ACMSD: variants seen among roughly 807,000 people sequenced by gnomAD.
ACMSD encodes 2-amino-3-carboxymuconate-6-semialdehyde decarboxylase.
ACMSD carries 37 observed loss-of-function variants against 45.9 expected under a neutral mutation model. The ratio of observed to expected loss-of-function variants is 0.81; its 90% CI spans 0.62 to 1.06. ACMSD has a LOEUF of 1.06. Ranked by LOEUF, ACMSD falls within the 50% of genes least tolerant of loss-of-function variation. The pLI is 0.00. For missense variants in ACMSD, 434 were observed against 420.9 expected (o/e 1.03, Z -0.27); for synonymous variants, 138 against 148.8 (o/e 0.93, Z 0.53).
chr2:134,844,974 T>C lies in ACMSD; in HGVS notation c.58-259T>C, dbSNP rs116161313. ...ATATTTTTTCATGTTAATCTTTATT[T>C]TAAAAATTCAAGCTGCATTAGGGGA... On this transcript the variant is annotated intron_variant, in intron 1 of 9. Coordinates refer to ENST00000356140, the MANE Select transcript of ACMSD (RefSeq NM_138326.3). 2.8e-3 allele frequency among the ~76,000 whole-genome samples: 422 copies of C among 152,304 alleles called. 1 individual carries two copies. The highest frequency in any genetic ancestry group is 9.7e-3 in the African/African-American group (403 of 41,570).
At chr2:134,895,596 C>A (rs934865914) in intron 8 of ACMSD, among the ~76,000 whole-genome samples, 1 of 151,692 alleles carries the variant, frequency 6.6e-6, no homozygotes, top group Admixed American at 6.6e-5. Context: ...TGCAGTGGCT[C>A]ACACCTGTAA....
At chr2:134,883,005 A>C (rs1195879531) in intron 8 of ACMSD, among the ~76,000 whole-genome samples, 2 of 152,216 alleles carry the variant, frequency 1.3e-5, no homozygotes, top group Non-Finnish European at 2.9e-5. Flanking sequence ...ATGTTGGAGC[A>C]AAGTGTTGAT....
chr2:134,867,310 G>A lies in ACMSD; in HGVS notation c.487-269G>A, dbSNP rs573008458. The A allele has an allele frequency of 3.2e-5, 8 of 251,628 alleles. No homozygotes were observed. In the South Asian group the frequency reaches 1.1e-3, roughly 33 times the overall value. The allele number at this position is 251,628 out of a possible 1,614,324, so 15.6% of individuals were successfully genotyped here. ...GAATGATGGATATTTCCTGACGCTT[G>A]TTTTACCAGATGATATATTAAGTTC... On this transcript the variant is annotated intron_variant, in intron 5 of 9. Coordinates refer to ENST00000356140, the MANE Select transcript of ACMSD (RefSeq NM_138326.3).
At chr2:134,872,868 G>C (rs1688528579) in intron 8 of ACMSD, 1 of 495,482 alleles carries the variant, frequency 2.0e-6, no homozygotes, top group African/African-American at 1.9e-5. Flanking sequence ...ATATGCCAGA[G>C]AAATCCCAGA....
At chr2:134,864,206 T>C (rs961352313) in intron 5 of ACMSD, among the ~76,000 whole-genome samples, 2 of 151,534 alleles carry the variant, frequency 1.3e-5, no homozygotes, top group Admixed American at 1.3e-4. Flanking sequence ...AGGAGACAGG[T>C]TGCAGTGAGC....
intron 8 of ACMSD, among the ~76,000 whole-genome samples, chr2:134,883,253 TG>T (rs1327710992): frequency 6.6e-6 from 1 of 151,798 alleles, no homozygotes; most frequent in Admixed American, 6.6e-5. Context: ...GAATAGGATC[TG>T]GGATCACAGA....
At chr2:134,857,868 T>C (rs1340362569) in intron 2 of ACMSD, 2 of 150,474 alleles carry the variant, frequency 1.3e-5, no homozygotes, top group Non-Finnish European at 3.0e-5. Context: ...AGTTCATGTA[T>C]GGCAATCCCA....
intron 8 of ACMSD, among the ~76,000 whole-genome samples, chr2:134,881,267 C>A (rs1193424271): frequency 1.3e-5 from 2 of 152,248 alleles, no homozygotes; most frequent in Non-Finnish European, 2.9e-5. Flanking sequence ...TCCCAAAGTT[C>A]CGGGATTACA....
chr2:134,844,508 G>A (rs927972825), intron 1 of ACMSD: 5 of 152,492 alleles, frequency 3.3e-5, no homozygotes, highest in East Asian at 1.9e-4. Context: ...CCTCATCTCT[G>A]TGTTATCCTG....
chr2:134,860,075 C>T (rs1439471361), intron 3 of ACMSD, among the ~76,000 whole-genome samples: 1 of 152,062 alleles, frequency 6.6e-6, no homozygotes, highest in Admixed American at 6.6e-5. Context: ...CCAGCCTGGC[C>T]AACATGGCAA....
intron 8 of ACMSD, among the ~76,000 whole-genome samples, chr2:134,890,557 C>G (rs937212399): frequency 6.6e-6 from 1 of 151,848 alleles, no homozygotes. Flanking sequence ...CTATGGATAA[C>G]GAAATAACAC....
intron 8 of ACMSD, among the ~76,000 whole-genome samples, chr2:134,885,073 G>T (rs2104925153): frequency 6.6e-6 from 1 of 150,552 alleles, no homozygotes; most frequent in Admixed American, 6.7e-5. Context: ...GTGCACACCT[G>T]TAGTCCCAGC....
intron 2 of ACMSD, among the ~76,000 whole-genome samples, chr2:134,855,020 A>G (rs1190938113): frequency 6.9e-6 from 1 of 145,172 alleles, no homozygotes; most frequent in African/African-American, 2.6e-5. Flanking sequence ...AATTTGCCAA[A>G]TCAAAGTTTG....
At chr2:134,859,956 A>G (rs925232664) in intron 3 of ACMSD, among the ~76,000 whole-genome samples, 3 of 152,364 alleles carry the variant, frequency 2.0e-5, no homozygotes, top group Non-Finnish European at 4.4e-5. Flanking sequence ...TTTTTACCTT[A>G]TATCTAAAAA....
chr2:134,900,808 A>G (rs1690455489), intron 9 of ACMSD, among the ~76,000 whole-genome samples: 1 of 152,200 alleles, frequency 6.6e-6, no homozygotes, highest in African/African-American at 2.4e-5. Flanking sequence ...GACTTGCCAA[A>G]GGCAATATAA....
chr2:134,841,467 C>T (rs1289981527), intron 1 of ACMSD, among the ~76,000 whole-genome samples: 6 of 152,030 alleles, frequency 3.9e-5, no homozygotes, highest in Non-Finnish European at 8.8e-5. Flanking sequence ...TTCATTTTCG[C>T]TTGCTAATAA....
chr2:134,897,271 T>C (rs953440235), intron 8 of ACMSD, among the ~76,000 whole-genome samples: 2 of 152,154 alleles, frequency 1.3e-5, no homozygotes, highest in Non-Finnish European at 1.5e-5. Context: ...TACAAACATA[T>C]ATTTGTGGGT....
At chr2:134,900,821 G>A (rs1291012229) in intron 9 of ACMSD, among the ~76,000 whole-genome samples, 1 of 152,174 alleles carries the variant, frequency 6.6e-6, no homozygotes, top group Non-Finnish European at 1.5e-5. Context: ...CAATATAACT[G>A]GTGGGTTATA....
chr2:134,859,420 T>C, intron 3 of ACMSD, 63 bp downstream of exon 3: 1 of 1,517,558 alleles, frequency 6.6e-7, no homozygotes, highest in Non-Finnish European at 9.1e-7. Context: ...CCCTTAAAGT[T>C]TGCTGACAAC....
Sources: allele counts gnomAD v4.1 joint callset (sites outside exome capture counted in the v4.1 genomes callset), GRCh38; gene constraint gnomAD v4.1.1; transcripts MANE v1.5; gene names NCBI Gene and HGNC (gene_info 2026-07-23, HGNC 2026-07-21).